The following DOHH variants were observed in gnomAD, a reference collection of about 807,000 sequenced individuals.
The protein encoded by DOHH is deoxyhypusine hydroxylase, also known as HEAT-like (PBS lyase) repeat containing 1.
In DOHH, 16 loss-of-function variants were observed where a neutral mutation model predicts 19.9. The observed-to-expected ratio is 0.80, with a 90% CI of 0.54 to 1.22. The LOEUF is 1.22. Among genes scored for constraint, DOHH ranks in the 50% most tolerant of loss-of-function variants. The pLI is 0.00. For missense variants in DOHH, 460 were observed against 460.6 expected (o/e 1.00, Z 0.01); for synonymous variants, 233 against 217.0 (o/e 1.07, Z -0.65).
chr19:3,492,844 C>T (rs1329610115), intron 3 of DOHH, among the ~76,000 whole-genome samples: 1 of 152,208 alleles, frequency 6.6e-6, no homozygotes, highest in African/African-American at 2.4e-5. Flanking sequence ...GCGGCCCCAC[C>T]TGACCAGGTA....
Position 3,496,836 on chromosome 19 carries a change from C to G in DOHH, c.-22G>C. Reference sequence around the variant, plus strand: ...CCATCGTGCTGTCAATGGGTCCCGGCCTTCCACAACCCTGCTCAGGCTAAA... The same window carrying G: ...CCATCGTGCTGTCAATGGGTCCCGGGCTTCCACAACCCTGCTCAGGCTAAA... On this transcript the variant is annotated 5_prime_UTR_variant, in exon 2 of 5. Coordinates refer to ENST00000427575, the MANE Select transcript of DOHH (RefSeq NM_001145165.2). This position sits in a 1 kb window ranked among gnomAD's most constrained non-coding sequence, Gnocchi z 4.8. 6 of 1,537,220 alleles carry G rather than the reference C, an allele frequency of 3.9e-6. No homozygotes were observed. Among genetic ancestry groups the G allele is most frequent in the Non-Finnish European group, 5.2e-6 (6 of 1,145,166 alleles).
intron 1 of DOHH, among the ~76,000 whole-genome samples, chr19:3,500,264 G>A (rs1255187366): frequency 6.6e-6 from 1 of 152,178 alleles, no homozygotes; most frequent in East Asian, 1.9e-4. Flanking sequence ...TCAAAGGAGA[G>A]TGACACCTTT....
chr19:3,500,299 G>A (rs1455918267), intron 1 of DOHH, among the ~76,000 whole-genome samples: 1 of 152,206 alleles, frequency 6.6e-6, no homozygotes, highest in Non-Finnish European at 1.5e-5. Flanking sequence ...AGAAACCAGA[G>A]GGCAGGCCTG....
intron 1 of DOHH, among the ~76,000 whole-genome samples, chr19:3,498,733 G>A (rs1014908006): frequency 1.3e-5 from 2 of 152,060 alleles, no homozygotes; most frequent in Non-Finnish European, 1.5e-5. Context: ...AATGTGACCC[G>A]TTTAGGATGA....
intron 1 of DOHH, among the ~76,000 whole-genome samples, chr19:3,497,861 G>A (rs1208038613): frequency 6.6e-6 from 1 of 151,712 alleles, no homozygotes; most frequent in African/African-American, 2.4e-5. Flanking sequence ...CAACTCCCAA[G>A]CTCAAGTGAT....
At position 3,492,328 on chromosome 19, in the gene DOHH, G is replaced by C; in HGVS notation, c.523C>G (p.Arg175Gly). 1 of 1,544,058 alleles carries C rather than the reference G, an allele frequency of 6.5e-7. No individual in the cohort carries two copies. Among genetic ancestry groups the C allele is most frequent in the Non-Finnish European group, 8.7e-7 (1 of 1,152,732 alleles). ...CGCAGGGCGAACATGGCGCGGTATC[G>C]CTCGAAGAGCGGCCGGGACTCATCC... The part of the protein sequence containing the change: ...LLDESRPLFE[R>G]YRAMFALRNA... Residue 175 changes from arginine (R) to glycine (G), a missense_variant, in exon 4 of 5, where the codon CGA becomes GGA. Physicochemically the swap from Arg to Gly is moderately radical, Grantham distance 125. Coordinates refer to ENST00000427575, the MANE Select transcript of DOHH (RefSeq NM_001145165.2).
rs1176958499 is a variant in DOHH, at chr19:3,494,014, AG to A, written c.351+13del. On this transcript the variant is annotated intron_variant, in intron 3 of 4. Transcript: ENST00000427575. Reference sequence around the variant, plus strand: ...ACCCGAGACTGGCAGGGAGACAAGCAGGGGCCTGGTTACCTCGATGACGGGG... The same window carrying A: ...ACCCGAGACTGGCAGGGAGACAAGCAGGGCCTGGTTACCTCGATGACGGGG... 8.1e-6 allele frequency: 13 copies of A among 1,610,780 alleles called. No individual in the cohort carries two copies. The highest frequency in any genetic ancestry group is 1.1e-5 in the Non-Finnish European group (13 of 1,178,206).
rs950448961 is a variant in DOHH, at chr19:3,497,175, C to T, written c.-72-289G>A. 7.2e-4 allele frequency among the ~76,000 whole-genome samples: 109 copies of T among 152,278 alleles called. 1 individual carries two copies. The highest frequency in any genetic ancestry group is 2.5e-3 in the African/African-American group (105 of 41,562). ...CAGCTGACCCCCAAAATGGCCCTAG[C>T]GATCCCCACCCAATATTCAAGGCTT... On this transcript the variant is annotated intron_variant, in intron 1 of 4. Coordinates refer to ENST00000427575, the MANE Select transcript of DOHH (RefSeq NM_001145165.2).
chr19:3,492,544 G>C (rs1055127950), intron 3 of DOHH, 45 bp from the exon 4 acceptor site: 63 of 1,322,652 alleles, frequency 4.8e-5, no homozygotes, highest in Non-Finnish European at 6.0e-5. Flanking sequence ...CTGGGGGGTC[G>C]CAGGGGCCCT....
chr19:3,496,847 C>A lies in DOHH; in HGVS notation c.-33G>T. 2.7e-6 allele frequency: 4 copies of A among 1,504,390 alleles called. No individual in the cohort carries two copies. Among genetic ancestry groups the A allele is most frequent in the Non-Finnish European group, 3.5e-6 (4 of 1,128,100 alleles). The allele number at this position is 1,504,390 out of a possible 1,614,324, so 93.2% of individuals were successfully genotyped here. ...TCAATGGGTCCCGGCCTTCCACAAC[C>A]CTGCTCAGGCTAAACCTGGGGACGC... is the stretch of plus-strand genomic sequence containing the variant. On this transcript the variant is annotated 5_prime_UTR_variant, in exon 2 of 5. Transcript: ENST00000427575. This position sits in a 1 kb window ranked among gnomAD's most constrained non-coding sequence, Gnocchi z 4.8.
chr19:3,498,251 G>T (rs866249065), intron 1 of DOHH, among the ~76,000 whole-genome samples: 1 of 152,128 alleles, frequency 6.6e-6, no homozygotes, highest in Admixed American at 6.5e-5. Context: ...ACTAACACAG[G>T]CCTCCATAAC....
intron 1 of DOHH, among the ~76,000 whole-genome samples, chr19:3,498,063 G>C (rs2082922989): frequency 6.6e-6 from 1 of 152,064 alleles, no homozygotes; most frequent in Non-Finnish European, 1.5e-5. Flanking sequence ...AGTCCCAAAG[G>C]CCCTTCATGA....
chr19:3,494,036 C>G lies in DOHH; in HGVS notation c.343G>C (p.Val115Leu). The stretch of plus-strand genomic sequence containing the variant: ...AGCAGGGGCCTGGTTACCTCGATGA[C>G]GGGGTCCGAGGAATACTGCTTCAGG... ...EILKQYSSDP[V>L]IEVAETCQLA... Residue 115 changes from valine (V) to leucine (L), a missense_variant, in exon 3 of 5, where the codon GTC (valine) becomes CTC (leucine). Physicochemically the swap from Val to Leu is conservative, Grantham distance 32 (BLOSUM62 1). Coordinates refer to ENST00000427575, the MANE Select transcript of DOHH (RefSeq NM_001145165.2). 1.2e-6 allele frequency: 2 copies of G among 1,613,074 alleles called. No individual in the cohort carries two copies. The highest frequency in any genetic ancestry group is 1.7e-6 in the Non-Finnish European group (2 of 1,179,388).
intron 2 of DOHH, 66 bp from the exon 3 acceptor site, chr19:3,494,170 C>T (rs1486642216): frequency 2.7e-6 from 4 of 1,461,254 alleles, no homozygotes; most frequent in Non-Finnish European, 3.8e-6. Context: ...CCGGCTACCT[C>T]TGGGACCGGA....
rs2082943721 is a variant in DOHH at position 3,500,625 on chromosome 19, C to T, written c.-137G>A. On this transcript the variant is annotated 5_prime_UTR_variant, in exon 1 of 5. Transcript: ENST00000427575. Reference sequence around the variant, plus strand: ...ACCGCAGGCGCCTCTGCCACCACCGCTTCACCTGCCGCGACGCCCGCAGTG... The same window carrying T: ...ACCGCAGGCGCCTCTGCCACCACCGTTTCACCTGCCGCGACGCCCGCAGTG... The T allele has an allele frequency of 6.6e-6, 1 of 152,320 alleles. No homozygotes were observed. Among genetic ancestry groups the T allele is most frequent in the South Asian group, 2.1e-4 (1 of 4,838 alleles). 9.4% of individuals were successfully genotyped at this position (152,320 alleles called of 1,614,324 possible).
intron 1 of DOHH, among the ~76,000 whole-genome samples, chr19:3,498,113 G>A (rs141265138): frequency 7.2e-5 from 11 of 152,138 alleles, no homozygotes; most frequent in African/African-American, 2.6e-4. Flanking sequence ...CTCCACTCCA[G>A]CCACACAGGC....
rs570290335 is a variant in DOHH, at chr19:3,492,331, C to T, written c.520G>A (p.Glu174Lys). 3.9e-6 allele frequency: 6 copies of T among 1,544,178 alleles called. No individual in the cohort carries two copies. Among genetic ancestry groups the T allele is most frequent in the East Asian group, 4.9e-5 (2 of 40,554 alleles). ...ALLDESRPLF[E>K]RYRAMFALRN... ...AGGGCGAACATGGCGCGGTATCGCT[C>T]GAAGAGCGGCCGGGACTCATCCAGC... is the stretch of plus-strand genomic sequence containing the variant. The change falls in exon 4 of 5, where the codon GAG (glutamate) becomes AAG (lysine). Residue 174 changes from glutamate (E) to lysine (K), a missense_variant. Transcript: ENST00000427575.
chr19:3,491,746 C>T lies in DOHH; in HGVS notation c.655G>A (p.Glu219Lys), dbSNP rs1568220200. Residue 219 changes from glutamate (E) to lysine (K), a missense_variant, in exon 5 of 5, where the codon GAG (glutamate) becomes AAG (lysine). By Grantham distance (56) the Glu-to-Lys change is moderately conservative. Transcript: ENST00000427575. This position sits in a 1 kb window ranked among gnomAD's most constrained non-coding sequence, Gnocchi z 5.6. ...VGYVLGQLQH[E>K]AAVPQLAAAL... ...GCCGCCAGCTGGGGCACCGCCGCCTCGTGCTGCAGCTGTCCCAGGACGTAG... is the reference window on the plus strand; with the variant it reads ...GCCGCCAGCTGGGGCACCGCCGCCTTGTGCTGCAGCTGTCCCAGGACGTAG... 1.3e-6 allele frequency: 2 copies of T among 1,511,320 alleles called. No individual in the cohort carries two copies. The highest frequency in any genetic ancestry group is 2.6e-5 in the East Asian group (1 of 38,962). 93.6% of individuals were successfully genotyped at this position (1,511,320 alleles called of 1,614,324 possible).
Position 3,492,429 on chromosome 19 carries a change from G to A in DOHH, c.422C>T (p.Ala141Val), listed in dbSNP as rs2122054293. 3.3e-6 allele frequency: 5 copies of A among 1,494,414 alleles called. No homozygotes were observed. The highest frequency in any genetic ancestry group is 2.5e-5 in the South Asian group (2 of 79,168). The allele number at this position is 1,494,414 out of a possible 1,614,324, so 92.6% of individuals were successfully genotyped here. ...WLQQHGGEPA[A>V]GPYLSVDPAP... ...AGGGTCCACGGAGAGGTAGGGTCCCGCCGCCGGCTCCCCGCCGTGCTGCTG... is the reference window on the plus strand; with the variant it reads ...AGGGTCCACGGAGAGGTAGGGTCCCACCGCCGGCTCCCCGCCGTGCTGCTG... Residue 141 changes from alanine to valine, a missense_variant, in exon 4 of 5, where the codon GCG becomes GTG. Transcript: ENST00000427575.
Sources: allele counts gnomAD v4.1 joint callset (sites outside exome capture counted in the v4.1 genomes callset), GRCh38; gene constraint gnomAD v4.1.1; non-coding constraint Gnocchi (gnomAD v3.1); transcripts MANE v1.5; gene names NCBI Gene and HGNC (gene_info 2026-07-23, HGNC 2026-07-21).